The following FAAH2 variants were observed in gnomAD, a reference collection of about 807,000 sequenced individuals.
FAAH2 encodes the protein fatty-acid amide hydrolase 2.
In FAAH2, 60 loss-of-function variants were observed where a neutral mutation model predicts 36.9. The observed-to-expected ratio is 1.63, with a 90% CI of 1.32 to 2.02. FAAH2 has a LOEUF of 2.02. FAAH2 is among the 30% of genes most tolerant of loss of function. The pLI is 0.00. For missense variants in FAAH2, 689 were observed against 397.5 expected (o/e 1.73, Z -6.23); for synonymous variants, 214 against 143.8 (o/e 1.49, Z -3.49).
At chrX:57,416,622 G>A (rs2055850937) in intron 7 of FAAH2, among the ~76,000 whole-genome samples, 1 of 111,899 alleles carries the variant, frequency 8.9e-6, no homozygotes, top group African/African-American at 3.3e-5. Flanking sequence ...GCTTCTTTTT[G>A]TGGATAACCT....
chrX:57,275,472 G>A, the FAAH2 span, among the ~76,000 whole-genome samples: 13 of 111,905 alleles, frequency 1.2e-4, no homozygotes, highest in Non-Finnish European at 1.9e-4. Flanking sequence ...GCAAAAACAC[G>A]CCAAATTGTA....
the FAAH2 span, among the ~76,000 whole-genome samples, chrX:57,152,591 G>A: frequency 8.9e-6 from 1 of 112,276 alleles, no homozygotes; most frequent in Non-Finnish European, 1.9e-5. Flanking sequence ...ATAATCTCTT[G>A]GTGTCCCATT....
the FAAH2 span, among the ~76,000 whole-genome samples, chrX:57,255,724 C>T: frequency 9.8e-5 from 11 of 111,803 alleles, no homozygotes; most frequent in African/African-American, 2.9e-4. Context: ...AAAAATTCAA[C>T]GCCTTTCATG....
the FAAH2 span, among the ~76,000 whole-genome samples, chrX:57,238,052 G>A: frequency 8.9e-6 from 1 of 111,828 alleles, no homozygotes; most frequent in African/African-American, 3.2e-5. Flanking sequence ...GTTTGTGGGT[G>A]TGTTAACTAG....
chrX:57,451,088 T>C (rs2056775041), intron 10 of FAAH2, among the ~76,000 whole-genome samples: 2 of 111,660 alleles, frequency 1.8e-5, no homozygotes, highest in Non-Finnish European at 3.8e-5. Flanking sequence ...TAGGAAACAT[T>C]TCCAAAGTCA....
chrX:57,337,491 A>G (rs1297843075), intron 4 of FAAH2, among the ~76,000 whole-genome samples: 1 of 111,997 alleles, frequency 8.9e-6, no homozygotes, highest in Non-Finnish European at 1.9e-5. Flanking sequence ...GATGAACATC[A>G]ATGCAAAAAC....
rs571268193 is a variant in FAAH2, at chrX:57,322,122, C to G, written c.413-9476C>G. On this transcript the variant is annotated intron_variant, in intron 3 of 10. Transcript: ENST00000374900. ...GGTTCACGCCGTTCTCCTGCCTCAG[C>G]CTCTTGAGTAGCTGAGACTACAGGC... 1.1e-4 allele frequency among the ~76,000 whole-genome samples: 12 copies of G among 111,009 alleles called. No homozygotes were observed. In the South Asian group the frequency reaches 4.6e-3, roughly 43 times the overall value.
chrX:57,358,019 C>A (rs912863124), intron 5 of FAAH2, among the ~76,000 whole-genome samples: 1 of 110,912 alleles, frequency 9.0e-6, no homozygotes, highest in African/African-American at 3.3e-5. Flanking sequence ...AAAAAGGATA[C>A]GTTTATGTCT....
chrX:57,436,315 A>T (rs1376515236), intron 8 of FAAH2, among the ~76,000 whole-genome samples: 2 of 110,417 alleles, frequency 1.8e-5, no homozygotes, highest in African/African-American at 6.6e-5. Context: ...AACTAGAAAC[A>T]CAAGAACAAA....
At chrX:57,405,547 G>A (rs902699866) in intron 7 of FAAH2, among the ~76,000 whole-genome samples, 2 of 108,439 alleles carry the variant, frequency 1.8e-5, no homozygotes, top group Non-Finnish European at 3.8e-5. Flanking sequence ...GAAGTAAGTG[G>A]CAAGTCTGCG....
the FAAH2 span, among the ~76,000 whole-genome samples, chrX:57,229,826 G>A: frequency 9.0e-6 from 1 of 111,239 alleles, no homozygotes; most frequent in Admixed American, 9.5e-5. Flanking sequence ...ACCATTAATT[G>A]GAAGCTTTGT....
At chrX:57,228,452 G>T in the FAAH2 span, among the ~76,000 whole-genome samples, 3 of 111,322 alleles carry the variant, frequency 2.7e-5, no homozygotes, top group Non-Finnish European at 5.7e-5. Flanking sequence ...GGAGAGGAGG[G>T]TCTCCCTTTT....
chrX:57,215,906 C>CATATATATATATATATATAT, the FAAH2 span, among the ~76,000 whole-genome samples: 8 of 89,544 alleles, frequency 8.9e-5, no homozygotes, highest in African/African-American at 3.2e-4. Flanking sequence ...CCATGGCACT[C>CATATATATATATATATATAT]ATATATATAT....
At chrX:57,144,923 T>TACACACAC in the FAAH2 span, among the ~76,000 whole-genome samples, 3 of 105,417 alleles carry the variant, frequency 2.8e-5, no homozygotes, top group South Asian at 8.4e-4. Flanking sequence ...TGTGTGTGCA[T>TACACACAC]ACACACACAC....
chrX:57,396,916 G>A (rs2055317439), intron 7 of FAAH2, among the ~76,000 whole-genome samples: 1 of 111,606 alleles, frequency 9.0e-6, no homozygotes, highest in Non-Finnish European at 1.9e-5. Flanking sequence ...GATCTGTCTA[G>A]TATTGTCAGT....
At chrX:57,262,668 A>T in the FAAH2 span, among the ~76,000 whole-genome samples, 1 of 111,709 alleles carries the variant, frequency 9.0e-6, no homozygotes, top group Non-Finnish European at 1.9e-5. Flanking sequence ...CTAATGAGGA[A>T]ATCTCAGACT....
At chrX:57,155,551 G>T in the FAAH2 span, among the ~76,000 whole-genome samples, 1 of 112,138 alleles carries the variant, frequency 8.9e-6, no homozygotes, top group Admixed American at 9.4e-5. Flanking sequence ...AGTGGGGCGT[G>T]CTGGGCTGAG....
At chrX:57,446,781 A>G (rs896328821) in intron 8 of FAAH2, 147 bp from the exon 9 acceptor site, 12 of 419,391 alleles carry the variant, frequency 2.9e-5, no homozygotes, top group Non-Finnish European at 4.1e-5. Flanking sequence ...GTAATATTTT[A>G]TCAATAAATT....
At chrX:57,152,722 T>G in the FAAH2 span, among the ~76,000 whole-genome samples, 1 of 111,961 alleles carries the variant, frequency 8.9e-6, no homozygotes, top group African/African-American at 3.2e-5. Context: ...GCTTCCCGAG[T>G]GAGGCAATGC....
Sources: gnomAD v4.1 joint callset for allele counts (sites outside exome capture counted in the v4.1 genomes callset) on GRCh38, gnomAD v4.1.1 for gene constraint, MANE v1.5 for transcripts, NCBI Gene and HGNC (gene_info 2026-07-23, HGNC 2026-07-21) for gene names.